The following S100Z variants were observed in gnomAD, a reference collection of about 807,000 sequenced individuals.
The protein encoded by S100Z is S100 calcium binding protein Z.
S100Z carries 11 observed loss-of-function variants against 8.5 expected under a neutral mutation model. That is an observed-to-expected ratio of 1.30 (90% CI 0.82 to 2.15). S100Z has a LOEUF of 2.15. Ranked by LOEUF, S100Z falls within the 30% of genes most tolerant of loss-of-function variation. S100Z has a pLI of 0.00. For missense variants in S100Z, 126 were observed against 117.9 expected (o/e 1.07, Z -0.32); for synonymous variants, 34 against 43.8 (o/e 0.78, Z 0.89).
At chr5:76,888,107 A>C (rs1743712952) in intron 4 of S100Z, among the ~76,000 whole-genome samples, 1 of 151,656 alleles carries the variant, frequency 6.6e-6, no homozygotes, top group African/African-American at 2.4e-5. Context: ...AAATACAAAA[A>C]TTAGCTAGGC....
chr5:76,916,054 G>T (rs1744843863), intron 4 of S100Z, among the ~76,000 whole-genome samples: 1 of 151,722 alleles, frequency 6.6e-6, no homozygotes, highest in African/African-American at 2.4e-5. Context: ...CCAGCTACCT[G>T]GGAGGCTGAG....
chr5:76,890,670 A>G (rs778210612), intron 4 of S100Z, among the ~76,000 whole-genome samples: 25 of 152,130 alleles, frequency 1.6e-4, no homozygotes, highest in Admixed American at 6.5e-4. Context: ...ACAAACAAAA[A>G]CAGGATTTGT....
At position 76,880,434 on chromosome 5, in the gene S100Z, G is replaced by A. The variant is rs1743365887; in HGVS notation, c.*2+2600G>A. On this transcript the variant is annotated intron_variant, in intron 4 of 4. Coordinates refer to ENST00000317593, the MANE Select transcript of S100Z (RefSeq NM_130772.4). ...GTGGTATGGAGAGATAATGGGTGAT[G>A]TTTCTCAGGGCTGCTTCGAGCAGGA... Among the ~76,000 whole-genome samples, 3 of 152,188 alleles carry A rather than the reference G, an allele frequency of 2.0e-5. No individual in the cohort carries two copies. In the South Asian group the frequency reaches 6.2e-4, roughly 32 times the overall value.
intron 4 of S100Z, among the ~76,000 whole-genome samples, chr5:76,893,542 C>CA (rs202051229): frequency 0.017 from 2,475 of 142,178 alleles, 28 homozygotes; most frequent in African/African-American, 0.035. Context: ...GATCTTATCT[C>CA]AAAAAAAAAA....
downstream of S100Z, among the ~76,000 whole-genome samples, chr5:76,926,215 G>A (rs935852801): frequency 5.9e-5 from 9 of 152,076 alleles, no homozygotes; most frequent in Non-Finnish European, 8.8e-5. Flanking sequence ...ATATTAAGGC[G>A]ATAGAATTGT....
chr5:76,920,675 A>T (rs1745009738), intron 4 of S100Z, 42 bp from the exon 5 acceptor site: 1 of 152,216 alleles, frequency 6.6e-6, no homozygotes, highest in Non-Finnish European at 1.5e-5. Flanking sequence ...CTACACAGCC[A>T]TTGGCTGGAT....
chr5:76,861,379 G>T (rs755752275), intron 1 of S100Z, among the ~76,000 whole-genome samples: 9 of 150,718 alleles, frequency 6.0e-5, no homozygotes, highest in Non-Finnish European at 1.0e-4. Context: ...TTGCTCTTTC[G>T]CCCAGGCTGG....
intron 4 of S100Z, among the ~76,000 whole-genome samples, chr5:76,899,334 A>G (rs965792948): frequency 2.9e-4 from 43 of 150,398 alleles, no homozygotes; most frequent in African/African-American, 1.0e-3. Flanking sequence ...AGTTCAGTCC[A>G]TTTATAGTCC....
chr5:76,884,230 C>T (rs1040691675), intron 4 of S100Z, among the ~76,000 whole-genome samples: 4 of 152,192 alleles, frequency 2.6e-5, no homozygotes, highest in Admixed American at 6.5e-5. Flanking sequence ...GTCTTTACCT[C>T]GGGTAGTTTC....
chr5:76,950,672 G>A, the S100Z span, among the ~76,000 whole-genome samples: 2 of 152,110 alleles, frequency 1.3e-5, no homozygotes, highest in Non-Finnish European at 2.9e-5. Context: ...AAGTAATGGA[G>A]GTTAACATAC....
At chr5:76,911,847 C>T (rs966190530) in intron 4 of S100Z, among the ~76,000 whole-genome samples, 33 of 152,292 alleles carry the variant, frequency 2.2e-4, no homozygotes, top group Admixed American at 1.3e-3. Context: ...CACCCTAAGA[C>T]ATTAAAACAG....
intron 1 of S100Z, among the ~76,000 whole-genome samples, chr5:76,857,048 C>G (rs1750900799): frequency 6.6e-6 from 1 of 152,130 alleles, no homozygotes; most frequent in South Asian, 2.1e-4. Flanking sequence ...CTTTCCAGCA[C>G]TTTGGGAGGC....
chr5:76,945,907 G>A, the S100Z span, among the ~76,000 whole-genome samples: 13 of 152,066 alleles, frequency 8.5e-5, 1 homozygote, highest in Admixed American at 6.6e-4. Flanking sequence ...CATCCCACCC[G>A]ACGAGAAATA....
intron 4 of S100Z, among the ~76,000 whole-genome samples, chr5:76,884,685 G>A (rs994791214): frequency 3.3e-5 from 5 of 152,150 alleles, no homozygotes; most frequent in African/African-American, 1.2e-4. Flanking sequence ...GGCAAGTGGG[G>A]GAGGACTAGT....
At chr5:76,922,924 T>C (rs1011120016), downstream of S100Z, among the ~76,000 whole-genome samples, 3 of 151,884 alleles carry the variant, frequency 2.0e-5, no homozygotes, top group Admixed American at 2.0e-4. Context: ...ATGCCTTTTT[T>C]CCCAATAATC....
intron 1 of S100Z, among the ~76,000 whole-genome samples, chr5:76,865,884 G>A (rs539327011): frequency 4.0e-5 from 6 of 150,738 alleles, no homozygotes; most frequent in African/African-American, 9.7e-5. Context: ...GTGTGGTGGC[G>A]GGTGCCTGTA....
Position 76,875,486 on chromosome 5 carries a change from A to C in S100Z, c.127A>C (p.Thr43Pro). The part of the protein sequence containing the change: ...ELKLLLQREL[T>P]EFLSCQKETQ... The stretch of plus-strand genomic sequence containing the variant: ...GAAACTGCTCCTGCAGCGAGAGCTC[A>C]CGGAATTCCTCTCGGTGAGTCAGGC... The change falls in exon 3 of 5, where the codon ACG (threonine) becomes CCG (proline). Residue 43 changes from threonine (T) to proline (P), a missense_variant. Coordinates refer to ENST00000317593, the MANE Select transcript of S100Z (RefSeq NM_130772.4). The C allele has an allele frequency of 1.9e-6, 3 of 1,609,440 alleles. No individual in the cohort carries two copies. Among genetic ancestry groups the C allele is most frequent in the Non-Finnish European group, 2.5e-6 (3 of 1,178,224 alleles).
chr5:76,888,142 A>C (rs1272317320), intron 4 of S100Z, among the ~76,000 whole-genome samples: 2 of 151,602 alleles, frequency 1.3e-5, no homozygotes, highest in South Asian at 2.1e-4. Context: ...CTGTAGTCCC[A>C]GCTACTCAGG....
chr5:76,944,032 T>A, the S100Z span, among the ~76,000 whole-genome samples: 1 of 152,240 alleles, frequency 6.6e-6, no homozygotes, highest in African/African-American at 2.4e-5. Flanking sequence ...TCCCCTTAAC[T>A]TTTGTGTCCC....
Sources: allele counts gnomAD v4.1 joint callset (sites outside exome capture counted in the v4.1 genomes callset), GRCh38; gene constraint gnomAD v4.1.1; transcripts MANE v1.5; gene names NCBI Gene and HGNC (gene_info 2026-07-23, HGNC 2026-07-21).